CSNK2A1: variants seen among roughly 807,000 people sequenced by gnomAD.
CSNK2A1 encodes casein kinase 2 alpha 1.
Under a neutral mutation model 62.9 loss-of-function variants are expected in CSNK2A1, and 10 were observed. That is an observed-to-expected ratio of 0.16 (90% CI 0.10 to 0.27). The LOEUF (loss-of-function observed/expected upper bound fraction) is 0.27. Among genes scored for constraint, CSNK2A1 ranks in the 10% least tolerant of loss-of-function variants. CSNK2A1 has a pLI of 1.00. For synonymous variants in CSNK2A1, 124 were observed against 167.8 expected (o/e 0.74, Z 2.02); for missense variants, 160 against 492.0 (o/e 0.33, Z 6.38).
Position 524,213 on chromosome 20 carries a change from CA to C in CSNK2A1, c.-110+3719del, listed in dbSNP as rs752784057. ...CTGAGGTGGGCAGATCACCTGAGGT[CA>C]GGAGCTCAAAACCACCCTGGCCAGT... On this transcript the variant is annotated intron_variant, in intron 2 of 13. Transcript: ENST00000217244. Among the ~76,000 whole-genome samples, 13 of 151,878 alleles carry C rather than the reference CA, an allele frequency of 8.6e-5. 4 individuals are homozygous for C. Among genetic ancestry groups the C allele is most frequent in the Admixed American group, 1.3e-4 (2 of 15,236 alleles).
chr20:537,963 C>CTTT (rs60811807), intron 1 of CSNK2A1, among the ~76,000 whole-genome samples: 132 of 141,354 alleles, frequency 9.3e-4, no homozygotes, highest in African/African-American at 3.5e-3. Flanking sequence ...CAGTTAACAT[C>CTTT]TTTTTTTTTT....
intron 2 of CSNK2A1, among the ~76,000 whole-genome samples, chr20:522,021 ACACAGCAGGAGGTGAG>A (rs1325778767): frequency 4.6e-5 from 7 of 152,226 alleles, no homozygotes; most frequent in African/African-American, 1.7e-4. Context: ...GAACCAGGCT[ACACAGCAGGAGGTGAG>A]CAGCGGGAGT....
chr20:541,318 A>G (rs947996116), intron 1 of CSNK2A1, among the ~76,000 whole-genome samples: 2 of 152,192 alleles, frequency 1.3e-5, no homozygotes, highest in African/African-American at 2.4e-5. Context: ...GGATAGCTAC[A>G]GATTCTGGGG....
chr20:496,019 T>C (rs986090104), intron 7 of CSNK2A1: 5 of 502,006 alleles, frequency 1.0e-5, no homozygotes, highest in African/African-American at 9.6e-5. Context: ...TCTGACACAG[T>C]TGTTTCAACA....
In CSNK2A1 at chr20:487,581, G is replaced by A. The variant is rs1433771928; in HGVS notation, c.825-6C>T. ...CCCATCGCTTTCGAGAGTGTCTGCAGGACCAAAAGAGGGCATGAGAAATGG... is the reference window on the plus strand; with the variant it reads ...CCCATCGCTTTCGAGAGTGTCTGCAAGACCAAAAGAGGGCATGAGAAATGG... On this transcript the variant is annotated splice_polypyrimidine_tract_variant and splice_region_variant and intron_variant, in intron 11 of 13. Coordinates refer to ENST00000217244, the MANE Select transcript of CSNK2A1 (RefSeq NM_177559.3). 6.2e-7 allele frequency: 1 copy of A among 1,614,052 alleles called. No individual in the cohort carries two copies. Among genetic ancestry groups the A allele is most frequent in the African/African-American group, 1.3e-5 (1 of 74,902 alleles).
chr20:529,631 GA>G (rs200539291), intron 1 of CSNK2A1, among the ~76,000 whole-genome samples: 6 of 150,648 alleles, frequency 4.0e-5, no homozygotes, highest in African/African-American at 7.3e-5. Context: ...ACTTAATATG[GA>G]AAAAAAAATC....
At chr20:495,916 T>G in intron 7 of CSNK2A1, 114 bp from the exon 8 acceptor site, 4 of 783,534 alleles carry the variant, frequency 5.1e-6, no homozygotes, top group Non-Finnish European at 8.8e-6. Context: ...GGATTCAAGC[T>G]GAGGACACAG....
At chr20:505,926 G>A (rs996631945) in intron 3 of CSNK2A1, 2 of 142,036 alleles carry the variant, frequency 1.4e-5, no homozygotes, top group African/African-American at 2.7e-5. Flanking sequence ...CCAGGCTGGA[G>A]TGCAGTGGCG....
chr20:540,207 A>G (rs1234279264), intron 1 of CSNK2A1, among the ~76,000 whole-genome samples: 1 of 152,152 alleles, frequency 6.6e-6, no homozygotes, highest in Non-Finnish European at 1.5e-5. Context: ...TTTCAATCCA[A>G]ACTAGAACTG....
At chr20:508,250 A>C (rs1600391933) in intron 3 of CSNK2A1, 2 of 534,660 alleles carry the variant, frequency 3.7e-6, no homozygotes, top group Non-Finnish European at 3.3e-6. Flanking sequence ...TGGTAAGCCC[A>C]TTAAAATTGT....
chr20:497,960 A>G (rs1254456916), intron 6 of CSNK2A1, 180 bp from the exon 7 acceptor site: 6 of 544,238 alleles, frequency 1.1e-5, no homozygotes, highest in East Asian at 6.3e-5. Context: ...TGGGTCTTCA[A>G]CTCTTAAAAA....
At chr20:522,692 TTTTA>T (rs140874895) in intron 2 of CSNK2A1, among the ~76,000 whole-genome samples, 46,686 of 151,512 alleles carry the variant, frequency 0.31, 7,608 homozygotes, top group East Asian at 0.58. Flanking sequence ...TTCTTAATTA[TTTTA>T]TTTATTTATT....
intron 2 of CSNK2A1, among the ~76,000 whole-genome samples, chr20:517,046 C>T (rs1342876314): frequency 6.6e-6 from 1 of 152,206 alleles, no homozygotes; most frequent in Non-Finnish European, 1.5e-5. Context: ...TTATGCACTG[C>T]TGCAGAGAAT....
intron 2 of CSNK2A1, among the ~76,000 whole-genome samples, chr20:513,518 G>A (rs1231140058): frequency 6.6e-6 from 1 of 152,144 alleles, no homozygotes; most frequent in African/African-American, 2.4e-5. Flanking sequence ...AATTATAGTA[G>A]CCGTGGTTAA....
In CSNK2A1 at chr20:473,359, A is replaced by C. The variant is rs2017788961; in HGVS notation, c.*10602T>G. 1 of 152,498 alleles carries C rather than the reference A, an allele frequency of 6.6e-6. No homozygotes were observed. Among genetic ancestry groups the C allele is most frequent in the East Asian group, 1.9e-4 (1 of 5,204 alleles). 9.4% of individuals were successfully genotyped at this position (152,498 alleles called of 1,614,324 possible). On this transcript the variant is annotated 3_prime_UTR_variant, in exon 14 of 14. Coordinates refer to ENST00000217244, the MANE Select transcript of CSNK2A1 (RefSeq NM_177559.3). ...CCTTTGTGTCTCTGATTTTGGGGTT[A>C]TGTCCTCCTTAGTGCTCCTGTTCCT...
chr20:508,325 A>G, intron 3 of CSNK2A1, 126 bp downstream of exon 3: 1 of 1,050,998 alleles, frequency 9.5e-7, no homozygotes, highest in South Asian at 2.2e-5. Flanking sequence ...AAGAAAACAC[A>G]AATTGGGCTT....
At chr20:496,165 T>G (rs1272126199) in intron 7 of CSNK2A1, 3 of 197,630 alleles carry the variant, frequency 1.5e-5, no homozygotes, top group African/African-American at 7.0e-5. Flanking sequence ...CCTCTTATTC[T>G]AAGAACAGTA....
At chr20:485,662 T>A (rs1477001797) in intron 13 of CSNK2A1, among the ~76,000 whole-genome samples, 1 of 152,188 alleles carries the variant, frequency 6.6e-6, no homozygotes, top group African/African-American at 2.4e-5. Flanking sequence ...AGGCTACAAG[T>A]AAGTTTGGAT....
Position 483,832 on chromosome 20 carries a change from A to T in CSNK2A1, c.*129T>A. The T allele has an allele frequency of 1.5e-6, 1 of 647,352 alleles. No individual in the cohort carries two copies. Among genetic ancestry groups the T allele is most frequent in the Non-Finnish European group, 2.3e-6 (1 of 435,482 alleles). 40.1% of individuals were successfully genotyped at this position (647,352 alleles called of 1,614,324 possible). A position where few individuals can be genotyped will look rare whatever the true frequency, so the allele number is the denominator to read the frequency against. On this transcript the variant is annotated 3_prime_UTR_variant, in exon 14 of 14. Transcript: ENST00000217244. ...TTTTTTTTATGACTGAACTACTATA[A>T]ATCCACAAGCAACGGTTCAGACACG...
Sources: gnomAD v4.1 joint callset for allele counts (sites outside exome capture counted in the v4.1 genomes callset) on GRCh38, gnomAD v4.1.1 for gene constraint, MANE v1.5 for transcripts, NCBI Gene and HGNC (gene_info 2026-07-23, HGNC 2026-07-21) for gene names.